BCL2: variants seen among roughly 807,000 people sequenced by gnomAD.
BCL2 encodes BCL2 apoptosis regulator.
BCL2 carries 1 observed loss-of-function variant against 14.2 expected under a neutral mutation model. The observed-to-expected ratio is 0.07, with a 90% CI of 0.02 to 0.33. The LOEUF is 0.33. Among genes scored for constraint, BCL2 ranks in the 10% least tolerant of loss-of-function variants. The pLI is 0.99. For missense variants in BCL2, 247 were observed against 305.9 expected (o/e 0.81, Z 1.44); for synonymous variants, 151 against 137.2 (o/e 1.10, Z -0.70).
intron 2 of BCL2, among the ~76,000 whole-genome samples, chr18:63,237,191 A>AT (rs1910863166): frequency 6.6e-6 from 1 of 152,022 alleles, no homozygotes; most frequent in Non-Finnish European, 1.5e-5. Flanking sequence ...AGGCCGAGAG[A>AT]GGCCCATTTT....
intron 2 of BCL2, among the ~76,000 whole-genome samples, chr18:63,179,452 G>C (rs1915430416): frequency 6.6e-6 from 1 of 152,096 alleles, no homozygotes; most frequent in African/African-American, 2.4e-5. Flanking sequence ...CAAATATTTG[G>C]AACTGTCTGT....
At chr18:63,254,383 TAAAAAAAA>T (rs71162613) in intron 2 of BCL2, among the ~76,000 whole-genome samples, 2 of 38,412 alleles carry the variant, frequency 5.2e-5, no homozygotes, top group Non-Finnish European at 8.4e-5. Flanking sequence ...CTGTCTTTGC[TAAAAAAAA>T]AAAAAAAAAA....
At position 63,319,423 on chromosome 18, in the gene BCL2, A is replaced by AG. The variant is rs1302388752; in HGVS notation, c.-537dup. 1.3e-5 allele frequency: 3 copies of AG among 228,708 alleles called. No homozygotes were observed. The highest frequency in any genetic ancestry group is 6.2e-5 in the East Asian group (1 of 16,070). The allele number at this position is 228,708 out of a possible 1,614,324, so 14.2% of individuals were successfully genotyped here. The stretch of plus-strand genomic sequence containing the variant: ...CCCAACCGGAGATCTCAAGAGCTCG[A>AG]GAAAAAAAAAAGGCAGCGGCGGCGG... On this transcript the variant is annotated 5_prime_UTR_variant, in exon 1 of 3. Coordinates refer to ENST00000333681, the MANE Select transcript of BCL2 (RefSeq NM_000633.3).
chr18:63,184,149 A>T (rs550593661), intron 2 of BCL2, among the ~76,000 whole-genome samples: 1 of 152,200 alleles, frequency 6.6e-6, no homozygotes, highest in Admixed American at 6.5e-5. Flanking sequence ...TGAGAGGCCA[A>T]CGCTGGCCTT....
intron 2 of BCL2, among the ~76,000 whole-genome samples, chr18:63,252,991 GCA>G (rs1911358936): frequency 6.6e-6 from 1 of 152,206 alleles, no homozygotes; most frequent in East Asian, 1.9e-4. Context: ...AAAAGTGAAT[GCA>G]CAGACAACAG....
intron 2 of BCL2, among the ~76,000 whole-genome samples, chr18:63,259,134 C>T (rs892863900): frequency 1.6e-4 from 24 of 152,288 alleles, no homozygotes; most frequent in African/African-American, 5.5e-4. Flanking sequence ...TCAGAAGTCC[C>T]ATGCCCTTTG....
chr18:63,148,102 TC>T (rs905983976), intron 2 of BCL2, among the ~76,000 whole-genome samples: 1 of 152,076 alleles, frequency 6.6e-6, no homozygotes, highest in African/African-American at 2.4e-5. Flanking sequence ...GAACTGCGCT[TC>T]CCCGCTCCCC....
chr18:63,156,087 C>CA (rs10640757), intron 2 of BCL2, among the ~76,000 whole-genome samples: 1,263 of 64,214 alleles, frequency 0.02, 91 homozygotes, highest in African/African-American at 0.061. Flanking sequence ...GCTGAGAAGC[C>CA]AAAAAAAAAA....
At chr18:63,213,537 CACACACATAA>C (rs1485433600) in intron 2 of BCL2, among the ~76,000 whole-genome samples, 5 of 101,104 alleles carry the variant, frequency 4.9e-5, no homozygotes, top group African/African-American at 1.9e-4. Flanking sequence ...CACACACACA[CACACACATAA>C]ACACACACAC....
chr18:63,222,473 A>G (rs894516761), intron 2 of BCL2, among the ~76,000 whole-genome samples: 2 of 152,170 alleles, frequency 1.3e-5, no homozygotes, highest in African/African-American at 4.8e-5. Context: ...ATGGAGTACA[A>G]AATAAGATTG....
chr18:63,214,598 T>C (rs1910145497), intron 2 of BCL2, among the ~76,000 whole-genome samples: 1 of 151,932 alleles, frequency 6.6e-6, no homozygotes, highest in Non-Finnish European at 1.5e-5. Flanking sequence ...GGGAAATTTC[T>C]AGCTGCCACA....
At chr18:63,297,049 A>G (rs976802936) in intron 2 of BCL2, among the ~76,000 whole-genome samples, 53 of 152,136 alleles carry the variant, frequency 3.5e-4, no homozygotes, top group Non-Finnish European at 1.3e-4. Context: ...TGTCTCTACT[A>G]AAAATACAAA....
Position 63,155,394 on chromosome 18 carries a change from A to G in BCL2, c.586-26635T>C, listed in dbSNP as rs2144612550. 2.0e-5 allele frequency among the ~76,000 whole-genome samples: 3 copies of G among 152,192 alleles called. No homozygotes were observed. In the Middle Eastern group the frequency reaches 0.01, roughly 518 times the overall value. ...AGTATCGGATGAGTCACGAGACAGGACGTGATTGATGTCGGGTGGGCGTGG... is the reference window on the plus strand; with the variant it reads ...AGTATCGGATGAGTCACGAGACAGGGCGTGATTGATGTCGGGTGGGCGTGG... On this transcript the variant is annotated intron_variant, in intron 2 of 2. Coordinates refer to ENST00000333681, the MANE Select transcript of BCL2 (RefSeq NM_000633.3).
At chr18:63,167,361 C>T (rs1437416735) in intron 2 of BCL2, among the ~76,000 whole-genome samples, 1 of 152,224 alleles carries the variant, frequency 6.6e-6, no homozygotes, top group Non-Finnish European at 1.5e-5. Flanking sequence ...AAATACATAA[C>T]TTTTCTCTCT....
At chr18:63,218,722 C>CCCATCCACTCA (rs1910288034) in intron 2 of BCL2, among the ~76,000 whole-genome samples, 1 of 522 alleles carries the variant, frequency 1.9e-3, no homozygotes, top group Non-Finnish European at 4.0e-3. Context: ...TCCTCCACTC[C>CCCATCCACTCA]TCCCCATCCT....
intron 2 of BCL2, among the ~76,000 whole-genome samples, chr18:63,181,317 C>A (rs1437841418): frequency 6.6e-5 from 10 of 152,146 alleles, no homozygotes; most frequent in African/African-American, 2.2e-4. Context: ...GGGACAGTCA[C>A]TGAAATCATT....
At chr18:63,281,065 T>C (rs1912294560) in intron 2 of BCL2, among the ~76,000 whole-genome samples, 1 of 152,138 alleles carries the variant, frequency 6.6e-6, no homozygotes, top group Non-Finnish European at 1.5e-5. Flanking sequence ...ACATCATGCT[T>C]AGTGTAACAA....
At chr18:63,301,230 CAG>C (rs1387000473) in intron 2 of BCL2, among the ~76,000 whole-genome samples, 3 of 152,040 alleles carry the variant, frequency 2.0e-5, no homozygotes, top group Non-Finnish European at 4.4e-5. Flanking sequence ...GAAAAAGAAA[CAG>C]GGAGTTATAG....
At chr18:63,245,445 T>C (rs1041050771) in intron 2 of BCL2, among the ~76,000 whole-genome samples, 2 of 152,252 alleles carry the variant, frequency 1.3e-5, no homozygotes, top group Admixed American at 6.5e-5. Flanking sequence ...ACTGTAGATT[T>C]TTCCAGAATA....
Sources: allele counts gnomAD v4.1 joint callset (sites outside exome capture counted in the v4.1 genomes callset), GRCh38; gene constraint gnomAD v4.1.1; transcripts MANE v1.5; gene names NCBI Gene and HGNC (gene_info 2026-07-23, HGNC 2026-07-21).